ASH1L: variants seen among roughly 807,000 people sequenced by gnomAD.
ASH1L encodes the protein ASH1 like histone lysine methyltransferase.
In ASH1L, 23 loss-of-function variants were observed where a neutral mutation model predicts 269.0. The observed-to-expected ratio is 0.09, with a 90% CI of 0.06 to 0.12. The LOEUF (loss-of-function observed/expected upper bound fraction) is 0.12, where lower values mean the gene tolerates loss of function less well. Ranked by LOEUF, ASH1L falls within the 10% of genes least tolerant of loss-of-function variation. ASH1L has a pLI of 1.00. For synonymous variants in ASH1L, 1,187 were observed against 1,253.5 expected (o/e 0.95, Z 1.12); for missense variants, 2,912 against 3,567.8 (o/e 0.82, Z 4.68).
At chr1:155,356,843 C>T (rs987821565) in intron 15 of ASH1L, among the ~76,000 whole-genome samples, 1 of 151,268 alleles carries the variant, frequency 6.6e-6, no homozygotes, top group African/African-American at 2.4e-5. Context: ...AATCCCAATG[C>T]CTTGGGAGAT....
chr1:155,467,622 AG>A lies in ASH1L; in HGVS notation c.4985-7725del, dbSNP rs1465742999. On this transcript the variant is annotated intron_variant, in intron 3 of 27. Coordinates refer to ENST00000392403, the MANE Select transcript of ASH1L (RefSeq NM_018489.3). The stretch of plus-strand genomic sequence containing the variant: ...TCCCCATTTTTGAAACAAGGAGAGA[AG>A]GGTTAAATGCCTTGGTCCAAGCTAC... Among the ~76,000 whole-genome samples the A allele has an allele frequency of 2.0e-5, 3 of 152,190 alleles. No individual in the cohort carries two copies. In the East Asian group the frequency reaches 5.8e-4, roughly 29 times the overall value.
chr1:155,528,925 C>T lies in ASH1L; in HGVS notation c.-99-7307G>A, dbSNP rs567360903. 2.6e-5 allele frequency among the ~76,000 whole-genome samples: 4 copies of T among 152,202 alleles called. No homozygotes were observed. The East Asian group carries it at 7.7e-4, about 29-fold the overall frequency. On this transcript the variant is annotated intron_variant, in intron 1 of 27. Transcript: ENST00000392403. ...GTCCATGTGTTGTCATCATTTAGCT[C>T]CCATTTATATGTGAGAACATACAGT...
At chr1:155,367,449 G>A (rs1001842825) in intron 12 of ASH1L, among the ~76,000 whole-genome samples, 2 of 152,078 alleles carry the variant, frequency 1.3e-5, no homozygotes, top group African/African-American at 2.4e-5. Flanking sequence ...AATGTCATCT[G>A]CGAATAATGG....
chr1:155,407,323 A>C (rs1416754010), intron 6 of ASH1L, among the ~76,000 whole-genome samples: 1 of 152,216 alleles, frequency 6.6e-6, no homozygotes, highest in African/African-American at 2.4e-5. Context: ...CAGACTCATA[A>C]ATTTCTAGGA....
intron 2 of ASH1L, among the ~76,000 whole-genome samples, chr1:155,515,903 T>C (rs566760146): frequency 6.6e-6 from 1 of 150,396 alleles, no homozygotes; most frequent in African/African-American, 2.4e-5. Flanking sequence ...TATATATACA[T>C]ATATATCAAT....
At chr1:155,509,316 C>T (rs1373501210) in intron 2 of ASH1L, among the ~76,000 whole-genome samples, 3 of 152,056 alleles carry the variant, frequency 2.0e-5, no homozygotes, top group Admixed American at 6.6e-5. Flanking sequence ...TATGATCACA[C>T]CACCGCACCA....
chr1:155,493,859 G>A, intron 2 of ASH1L, among the ~76,000 whole-genome samples: 1 of 152,078 alleles, frequency 6.6e-6, no homozygotes, highest in East Asian at 1.9e-4. Context: ...GGGGGATAGA[G>A]CAAGACTCCA....
At chr1:155,416,076 TC>T (rs1334246142) in intron 5 of ASH1L, among the ~76,000 whole-genome samples, 153 bp from the exon 6 acceptor site, 1 of 151,912 alleles carries the variant, frequency 6.6e-6, no homozygotes. Context: ...ACCAGACTTC[TC>T]CTGACAAGAA....
chr1:155,503,479 C>A (rs953329609), intron 2 of ASH1L, among the ~76,000 whole-genome samples: 2 of 152,134 alleles, frequency 1.3e-5, no homozygotes, highest in Admixed American at 1.3e-4. Flanking sequence ...AAAATAAACA[C>A]TAGTTCAGTA....
chr1:155,486,434 A>T (rs931427581), intron 2 of ASH1L, among the ~76,000 whole-genome samples: 1 of 152,194 alleles, frequency 6.6e-6, no homozygotes, highest in African/African-American at 2.4e-5. Context: ...AAAATAAAAA[A>T]AAAAAAATAG....
intron 2 of ASH1L, among the ~76,000 whole-genome samples, chr1:155,519,975 C>A (rs1312630260): frequency 6.6e-6 from 1 of 151,954 alleles, no homozygotes; most frequent in Non-Finnish European, 1.5e-5. Flanking sequence ...TTCGATATTA[C>A]CAGTCGCTGC....
In ASH1L at chr1:155,407,601, C is replaced by T. The variant is rs1046254678; in HGVS notation, c.6008+8143G>A. ...ATCATACAGCTATAAAAAATAAAAACGTGGATGTACACAAATGTTCATAGC... is the reference window on the plus strand; with the variant it reads ...ATCATACAGCTATAAAAAATAAAAATGTGGATGTACACAAATGTTCATAGC... On this transcript the variant is annotated intron_variant, in intron 6 of 27. Transcript: ENST00000392403. Among the ~76,000 whole-genome samples, 48 of 152,116 alleles carry T rather than the reference C, an allele frequency of 3.2e-4. 1 individual carries two copies. The highest frequency in any genetic ancestry group is 7.7e-4 in the East Asian group (4 of 5,172).
chr1:155,415,262 C>G (rs916302752), intron 6 of ASH1L, among the ~76,000 whole-genome samples: 67 of 151,632 alleles, frequency 4.4e-4, no homozygotes, highest in African/African-American at 1.6e-3. Flanking sequence ...GGGCCCTGTA[C>G]TCCCAGCTAC....
At chr1:155,441,323 C>T (rs959097217) in intron 4 of ASH1L, among the ~76,000 whole-genome samples, 3 of 151,896 alleles carry the variant, frequency 2.0e-5, no homozygotes, top group African/African-American at 7.3e-5. Flanking sequence ...CCGGCCCCGC[C>T]ACAAGCCCTT....
At chr1:155,456,193 TG>T (rs1203203366) in intron 4 of ASH1L, among the ~76,000 whole-genome samples, 1 of 152,202 alleles carries the variant, frequency 6.6e-6, no homozygotes, top group Non-Finnish European at 1.5e-5. Flanking sequence ...TAAGAAATGT[TG>T]TCCATGTATT....
chr1:155,420,845 A>AG (rs1660617035), intron 5 of ASH1L, among the ~76,000 whole-genome samples: 1 of 33,730 alleles, frequency 3.0e-5, no homozygotes, highest in Non-Finnish European at 1.3e-4. Flanking sequence ...GCAAGGCTCC[A>AG]TTAAAAAAAA....
At chr1:155,378,596 C>T (rs757221591) in intron 8 of ASH1L, 48 bp from the exon 9 acceptor site, 1 of 1,450,480 alleles carries the variant, frequency 6.9e-7, no homozygotes, top group Non-Finnish European at 9.6e-7. Context: ...ACTTCAAATG[C>T]CAGACGGCAG....
chr1:155,544,064 T>C (rs541014357), intron 1 of ASH1L, among the ~76,000 whole-genome samples: 44 of 152,194 alleles, frequency 2.9e-4, no homozygotes, highest in African/African-American at 1.0e-3. Flanking sequence ...TGGCTTACTG[T>C]ACCCTCAAGC....
chr1:155,456,164 T>C (rs1663849489), intron 4 of ASH1L, among the ~76,000 whole-genome samples: 1 of 152,168 alleles, frequency 6.6e-6, no homozygotes, highest in African/African-American at 2.4e-5. Flanking sequence ...TTTAGTTACT[T>C]CAAAGTTCAG....
Sources: allele counts gnomAD v4.1 joint callset (sites outside exome capture counted in the v4.1 genomes callset), GRCh38; gene constraint gnomAD v4.1.1; transcripts MANE v1.5; gene names NCBI Gene and HGNC (gene_info 2026-07-23, HGNC 2026-07-21).